Variants in KANSL1 observed in about 807,000 individuals in gnomAD.
KANSL1 encodes MLL1/MLL complex subunit KANSL1.
KANSL1 carries 22 observed loss-of-function variants against 103.6 expected under a neutral mutation model. The observed-to-expected ratio is 0.21, with a 90% CI of 0.15 to 0.30. The LOEUF is 0.30. Among genes scored for constraint, KANSL1 ranks in the 10% least tolerant of loss-of-function variants. The pLI, the probability that KANSL1 is intolerant of heterozygous loss-of-function variation, is 1.00. For synonymous variants in KANSL1, 600 were observed against 527.6 expected, an observed-to-expected ratio of 1.14 and a Z score of -1.88; for missense variants, 1,337 against 1,399.8, an observed-to-expected ratio of 0.96 and a Z score of 0.72.
chr17:46,154,226 C>T (rs1216627497), intron 2 of KANSL1, among the ~76,000 whole-genome samples: 1 of 152,196 alleles, frequency 6.6e-6, no homozygotes, highest in Non-Finnish European at 1.5e-5. Flanking sequence ...TATCCACATG[C>T]TTAAATTATA....
chr17:46,096,302 C>CTTTTTTTTTTT (rs1273083741), intron 2 of KANSL1, among the ~76,000 whole-genome samples: 1 of 82,596 alleles, frequency 1.2e-5, no homozygotes, highest in East Asian at 5.9e-4. Flanking sequence ...ACATACCTGG[C>CTTTTTTTTTTT]TTTTTTTTCT....
intron 1 of KANSL1, among the ~76,000 whole-genome samples, chr17:46,173,744 C>A (rs147713354): frequency 1.3e-5 from 2 of 152,218 alleles, no homozygotes; most frequent in Non-Finnish European, 2.9e-5. Flanking sequence ...ACTCTCCACT[C>A]AGTTTTTCTT....
chr17:46,114,395 G>C (rs1022398840), intron 2 of KANSL1, among the ~76,000 whole-genome samples: 1 of 152,094 alleles, frequency 6.6e-6, no homozygotes, highest in Non-Finnish European at 1.5e-5. Flanking sequence ...ACATCTAACT[G>C]AATCAGGCTG....
Position 46,172,177 on chromosome 17 carries a change from C to T in KANSL1, c.-34G>A, listed in dbSNP as rs369409842. ...GAGAGACAGGAAGTCCAGCCTCTCC[C>T]GATGCCGAGGCCGAGGCCAGCTCCA... is the stretch of plus-strand genomic sequence containing the variant. On this transcript the variant is annotated 5_prime_UTR_variant, in exon 2 of 15. Coordinates refer to ENST00000432791, the MANE Select transcript of KANSL1 (RefSeq NM_015443.4). The T allele has an allele frequency of 1.0e-5, 16 of 1,583,838 alleles. No homozygotes were observed. Among genetic ancestry groups the T allele is most frequent in the African/African-American group, 6.7e-5 (5 of 74,220 alleles).
At chr17:46,212,240 T>G (rs80109453) in intron 1 of KANSL1, among the ~76,000 whole-genome samples, 1 of 151,708 alleles carries the variant, frequency 6.6e-6, no homozygotes, top group African/African-American at 2.4e-5. Flanking sequence ...TTTTTTTTTT[T>G]AGACAGAGAC....
At chr17:46,175,102 G>A (rs2532263) in intron 1 of KANSL1, among the ~76,000 whole-genome samples, 18,293 of 149,976 alleles carry the variant, frequency 0.12, 22 homozygotes, top group Middle Eastern at 0.19. Context: ...CCCCCTCCCT[G>A]CCCCAAATGA....
chr17:46,174,801 G>C (rs1419045291), intron 1 of KANSL1, among the ~76,000 whole-genome samples: 2 of 152,190 alleles, frequency 1.3e-5, no homozygotes, highest in Non-Finnish European at 2.9e-5. Flanking sequence ...CAGCCTCCTA[G>C]TAGCTGGGAC....
At chr17:46,033,254 C>A in intron 12 of KANSL1, 62 bp from the exon 13 acceptor site, 1 of 1,453,380 alleles carries the variant, frequency 6.9e-7, no homozygotes, top group Non-Finnish European at 9.5e-7. Flanking sequence ...CAGTCCCACC[C>A]CATTCTAGGT....
chr17:46,096,311 C>CTTTTT (rs71138525), intron 2 of KANSL1, among the ~76,000 whole-genome samples: 1,835 of 76,310 alleles, frequency 0.024, 201 homozygotes, highest in African/African-American at 0.094. Flanking sequence ...GCTTTTTTTT[C>CTTTTT]TTTTTTTTTT....
chr17:46,199,007 CT>C (rs753584026), intron 1 of KANSL1, among the ~76,000 whole-genome samples: 4 of 152,210 alleles, frequency 2.6e-5, no homozygotes, highest in Non-Finnish European at 1.5e-5. Flanking sequence ...AAAGAAACAT[CT>C]TTAAGCTGAA....
intron 2 of KANSL1, among the ~76,000 whole-genome samples, chr17:46,096,719 C>G (rs192128138): frequency 6.6e-6 from 1 of 151,062 alleles, no homozygotes; most frequent in Non-Finnish European, 1.5e-5. Flanking sequence ...CCCGGGTTTA[C>G]GCCATTCTCC....
intron 1 of KANSL1, among the ~76,000 whole-genome samples, chr17:46,211,934 G>A (rs1260513572): frequency 6.6e-6 from 1 of 152,164 alleles, no homozygotes; most frequent in Non-Finnish European, 1.5e-5. Context: ...AAATTTCTGA[G>A]GTTAACATCT....
chr17:46,068,811 G>T (rs181437992), intron 4 of KANSL1, among the ~76,000 whole-genome samples: 10 of 152,300 alleles, frequency 6.6e-5, no homozygotes, highest in Admixed American at 3.3e-4. Context: ...GATAGGAACA[G>T]TATGAATGCC....
intron 1 of KANSL1, chr17:46,221,145 T>C (rs1248801267): frequency 1.3e-5 from 2 of 152,120 alleles, no homozygotes; most frequent in Non-Finnish European, 2.9e-5. Context: ...CAGATCTTTC[T>C]ATATCATATT....
intron 1 of KANSL1, among the ~76,000 whole-genome samples, chr17:46,214,099 C>A (rs2048263965): frequency 6.6e-6 from 1 of 152,206 alleles, no homozygotes; most frequent in South Asian, 2.1e-4. Flanking sequence ...CAAACTAGTT[C>A]TCTTTTTCCA....
intron 4 of KANSL1, among the ~76,000 whole-genome samples, chr17:46,079,068 T>C (rs192304373): frequency 7.4e-4 from 113 of 152,322 alleles, no homozygotes; most frequent in Middle Eastern, 3.4e-3. Context: ...GCATTCCTCC[T>C]TAGGTCTTCC....
intron 2 of KANSL1, among the ~76,000 whole-genome samples, chr17:46,131,032 G>A (rs2043838938): frequency 6.6e-6 from 1 of 152,162 alleles, no homozygotes; most frequent in South Asian, 2.1e-4. Flanking sequence ...ATTACACTTT[G>A]AAACCCTCTG....
chr17:46,095,821 A>T (rs965125468), intron 2 of KANSL1, among the ~76,000 whole-genome samples: 2 of 152,228 alleles, frequency 1.3e-5, no homozygotes, highest in African/African-American at 4.8e-5. Flanking sequence ...AACTCTCAGA[A>T]ATAGGATAAA....
chr17:46,160,462 G>C (rs1357707906), intron 2 of KANSL1, among the ~76,000 whole-genome samples: 1 of 152,074 alleles, frequency 6.6e-6, no homozygotes, highest in Non-Finnish European at 1.5e-5. Flanking sequence ...ACCACGCCTG[G>C]CTACTTTTTT....
Sources: gnomAD v4.1 joint callset for allele counts (sites outside exome capture counted in the v4.1 genomes callset) on GRCh38, gnomAD v4.1.1 for gene constraint, MANE v1.5 for transcripts, NCBI Gene and HGNC (gene_info 2026-07-23, HGNC 2026-07-21) for gene names.